SH3GL1: variants seen among roughly 807,000 people sequenced by gnomAD.
SH3GL1 encodes the protein SH3 domain containing GRB2 like 1, endophilin A2.
Under a neutral mutation model 48.8 loss-of-function variants are expected in SH3GL1, and 21 were observed. That is an observed-to-expected ratio of 0.43 (90% CI 0.30 to 0.62). SH3GL1 has a LOEUF of 0.62. Among genes scored for constraint, SH3GL1 ranks in the 20% least tolerant of loss-of-function variants. SH3GL1 has a pLI of 0.11. For synonymous variants in SH3GL1, 282 were observed against 217.5 expected (o/e 1.30, Z -2.61); for missense variants, 454 against 503.0 (o/e 0.90, Z 0.93).
intron 1 of SH3GL1, among the ~76,000 whole-genome samples, chr19:4,399,606 C>T (rs1377306033): frequency 1.3e-5 from 2 of 152,222 alleles, no homozygotes; most frequent in East Asian, 3.9e-4. Flanking sequence ...GCTCAGCACC[C>T]CGCAGTGCCC....
intron 1 of SH3GL1, among the ~76,000 whole-genome samples, chr19:4,370,068 G>A (rs1021747838): frequency 2.0e-5 from 3 of 152,264 alleles, no homozygotes; most frequent in Non-Finnish European, 4.4e-5. Flanking sequence ...GGGACCGAGA[G>A]TCTGCGGCAG....
At chr19:4,384,559 T>C (rs1394479149) in intron 1 of SH3GL1, among the ~76,000 whole-genome samples, 1 of 152,180 alleles carries the variant, frequency 6.6e-6, no homozygotes, top group African/African-American at 2.4e-5. Flanking sequence ...ATGGGCATAG[T>C]CATCAAGCAC....
At position 4,367,090 on chromosome 19, in the gene SH3GL1, CAGCTG is replaced by C; in HGVS notation, c.46-101_46-97del. 9.0e-7 allele frequency: 1 copy of C among 1,111,672 alleles called. No homozygotes were observed. The highest frequency in any genetic ancestry group is 1.4e-6 in the Non-Finnish European group (1 of 724,946). The allele number at this position is 1,111,672 out of a possible 1,614,324, so 68.9% of individuals were successfully genotyped here. ...CCGCCTTCCAGCCACATCGCATCCA[CAGCTG>C]GAGGCAGGAGGCCAAGTGATCAGGA... is the stretch of plus-strand genomic sequence containing the variant. On this transcript the variant is annotated intron_variant, in intron 1 of 9. Transcript: ENST00000269886. The surrounding 1 kb of genome is among the most constrained non-coding windows in gnomAD (Gnocchi z 4.2).
rs371683754 is a variant in SH3GL1 at position 4,382,548 on chromosome 19, C to T, written c.46-15554G>A. On this transcript the variant is annotated intron_variant, in intron 1 of 9. Transcript: ENST00000269886. Reference sequence around the variant, plus strand: ...CTGGGATTACAGGCGTGAGCCACCGCGCCCGGCCCAGGTGCTCCGCTTTCT... The same window carrying T: ...CTGGGATTACAGGCGTGAGCCACCGTGCCCGGCCCAGGTGCTCCGCTTTCT... Among the ~76,000 whole-genome samples, 12 of 152,252 alleles carry T rather than the reference C, an allele frequency of 7.9e-5. No individual in the cohort carries two copies. The East Asian group carries it at 1.2e-3, about 15-fold the overall frequency.
chr19:4,400,104 C>T lies in SH3GL1; in HGVS notation c.45+220G>A, dbSNP rs565431479. Among the ~76,000 whole-genome samples the T allele has an allele frequency of 1.1e-4, 17 of 152,250 alleles. No homozygotes were observed. Among genetic ancestry groups the T allele is most frequent in the South Asian group, 6.2e-4 (3 of 4,832 alleles). ...CAGCCCAGGGTGCCTCTCCCCTCCT[C>T]CCAGGGGCTCTGTCCCCGCTTCTGG... is the stretch of plus-strand genomic sequence containing the variant. On this transcript the variant is annotated intron_variant, in intron 1 of 9. Coordinates refer to ENST00000269886, the MANE Select transcript of SH3GL1 (RefSeq NM_003025.4). The surrounding 1 kb of genome is among the most constrained non-coding windows in gnomAD (Gnocchi z 4.1).
At chr19:4,392,465 A>C (rs1973353669) in intron 1 of SH3GL1, among the ~76,000 whole-genome samples, 1 of 149,164 alleles carries the variant, frequency 6.7e-6, no homozygotes, top group Non-Finnish European at 1.5e-5. Flanking sequence ...CGGAGGTTGC[A>C]GTGACCTGAG....
At chr19:4,385,017 T>C (rs111625946) in intron 1 of SH3GL1, among the ~76,000 whole-genome samples, 122 of 151,750 alleles carry the variant, frequency 8.0e-4, no homozygotes, top group African/African-American at 2.8e-3. Context: ...GGCAGGAGAA[T>C]TGCTTGAGCC....
intron 1 of SH3GL1, among the ~76,000 whole-genome samples, chr19:4,384,617 C>CA (rs1973201047): frequency 6.6e-6 from 1 of 152,190 alleles, no homozygotes; most frequent in African/African-American, 2.4e-5. Context: ...GAGAAGCTCT[C>CA]AGATACATGC....
Position 4,382,547 on chromosome 19 carries a change from G to T in SH3GL1, c.46-15553C>A, listed in dbSNP as rs990307926. Among the ~76,000 whole-genome samples the T allele has an allele frequency of 3.4e-4, 52 of 151,704 alleles. 2 individuals carry two copies. Among genetic ancestry groups the T allele is most frequent in the Non-Finnish European group, 7.4e-5 (5 of 67,922 alleles). On this transcript the variant is annotated intron_variant, in intron 1 of 9. Coordinates refer to ENST00000269886, the MANE Select transcript of SH3GL1 (RefSeq NM_003025.4). ...GCTGGGATTACAGGCGTGAGCCACC[G>T]CGCCCGGCCCAGGTGCTCCGCTTTC...
At chr19:4,363,620 G>T in intron 6 of SH3GL1, 100 bp downstream of exon 6, 1 of 1,524,514 alleles carries the variant, frequency 6.6e-7, no homozygotes, top group African/African-American at 1.4e-5. Flanking sequence ...TGCTGCAGCG[G>T]CCAGGTAGGT....
In SH3GL1 at chr19:4,363,359, C is replaced by T. The variant is rs779132034; in HGVS notation, c.728+11G>A. Reference sequence around the variant, plus strand: ...GCCCAGACTCTGGAGAGACCAAGGCCCTGGGCTCACCTGCGCTTGAGCTTC... The same window carrying T: ...GCCCAGACTCTGGAGAGACCAAGGCTCTGGGCTCACCTGCGCTTGAGCTTC... On this transcript the variant is annotated intron_variant, in intron 7 of 9. Coordinates refer to ENST00000269886, the MANE Select transcript of SH3GL1 (RefSeq NM_003025.4). 80 of 1,585,466 alleles carry T rather than the reference C, an allele frequency of 5.0e-5. No individual in the cohort carries two copies. The highest frequency in any genetic ancestry group is 7.1e-5 in the Admixed American group (4 of 56,412).
intron 1 of SH3GL1, among the ~76,000 whole-genome samples, chr19:4,373,994 C>T (rs1254497882): frequency 2.0e-5 from 3 of 152,258 alleles, no homozygotes; most frequent in African/African-American, 7.2e-5. Flanking sequence ...CCCTGCCTGA[C>T]TCCTGGCTCT....
rs1972600490 is a variant in SH3GL1 at position 4,361,237 on chromosome 19, G to A, written c.*363C>T. 2 of 348,972 alleles carry A rather than the reference G, an allele frequency of 5.7e-6. No homozygotes were observed. The highest frequency in any genetic ancestry group is 8.3e-5 in the South Asian group (2 of 23,980). 21.6% of individuals were successfully genotyped at this position (348,972 alleles called of 1,614,324 possible). On this transcript the variant is annotated 3_prime_UTR_variant, in exon 10 of 10. Coordinates refer to ENST00000269886, the MANE Select transcript of SH3GL1 (RefSeq NM_003025.4). ...GTGGGCCGGGCCCCCGTCGGGTCAG[G>A]ACGGAGGTGGGGGCTGCCCCAGAGG...
intron 4 of SH3GL1, 69 bp from the exon 5 acceptor site, chr19:4,364,290 C>T: frequency 6.3e-7 from 1 of 1,596,370 alleles, no homozygotes; most frequent in African/African-American, 1.3e-5. Flanking sequence ...ACTCCTCAGC[C>T]TTTGTTTTTG....
Position 4,368,612 on chromosome 19 carries a change from T to C in SH3GL1, c.46-1618A>G, listed in dbSNP as rs1349816943. On this transcript the variant is annotated intron_variant, in intron 1 of 9. Transcript: ENST00000269886. ...TCTGGAAGCCCCCACACCACGGGACTGTCCTCACCCACGCATCGGGACCCT... is the reference window on the plus strand; with the variant it reads ...TCTGGAAGCCCCCACACCACGGGACCGTCCTCACCCACGCATCGGGACCCT... 2.0e-5 allele frequency among the ~76,000 whole-genome samples: 3 copies of C among 152,304 alleles called. 1 individual carries two copies. Among genetic ancestry groups the C allele is most frequent in the East Asian group, 3.9e-4 (2 of 5,180 alleles).
At chr19:4,368,352 G>C (rs936520993) in intron 1 of SH3GL1, among the ~76,000 whole-genome samples, 3 of 152,206 alleles carry the variant, frequency 2.0e-5, no homozygotes, top group African/African-American at 7.2e-5. Flanking sequence ...CAGGAAGTGC[G>C]GGGGCAGGAG....
At position 4,361,390 on chromosome 19, in the gene SH3GL1, G is replaced by A. The variant is rs554809584; in HGVS notation, c.*210C>T. On this transcript the variant is annotated 3_prime_UTR_variant, in exon 10 of 10. Coordinates refer to ENST00000269886, the MANE Select transcript of SH3GL1 (RefSeq NM_003025.4). ...GGAGCCGTCACCGTTGGGAGTCAGC[G>A]CTAGTGTAAACAGGCATCCCCACCC... is the stretch of plus-strand genomic sequence containing the variant. The A allele has an allele frequency of 3.2e-4, 187 of 579,794 alleles. No individual in the cohort carries two copies. The highest frequency in any genetic ancestry group is 4.8e-4 in the Non-Finnish European group (157 of 325,606). 35.9% of individuals were successfully genotyped at this position (579,794 alleles called of 1,614,324 possible).
At chr19:4,392,666 G>A (rs535315694) in intron 1 of SH3GL1, among the ~76,000 whole-genome samples, 1 of 151,818 alleles carries the variant, frequency 6.6e-6, no homozygotes, top group African/African-American at 2.4e-5. Flanking sequence ...AAGAGGTCAG[G>A]GCCGGGCACG....
intron 1 of SH3GL1, among the ~76,000 whole-genome samples, chr19:4,371,133 G>C (rs1972892013): frequency 6.6e-6 from 1 of 152,254 alleles, no homozygotes; most frequent in African/African-American, 2.4e-5. Flanking sequence ...GGAGAAGGGG[G>C]CTATTCCTTT....
Sources: gnomAD v4.1 joint callset for allele counts (sites outside exome capture counted in the v4.1 genomes callset) on GRCh38, gnomAD v4.1.1 for gene constraint, Gnocchi (gnomAD v3.1) non-coding constraint, MANE v1.5 for transcripts, NCBI Gene and HGNC (gene_info 2026-07-23, HGNC 2026-07-21) for gene names.